TRIM22: variants seen among roughly 807,000 people sequenced by gnomAD.
The protein encoded by TRIM22 is tripartite motif containing 22.
TRIM22 carries 45 observed loss-of-function variants against 53.6 expected under a neutral mutation model. That is an observed-to-expected ratio of 0.84 (90% confidence interval 0.66 to 1.08). TRIM22 has a LOEUF of 1.08. Ranked by LOEUF, TRIM22 falls within the 50% of genes least tolerant of loss-of-function variation. TRIM22 has a pLI of 0.00. For synonymous variants in TRIM22, 225 were observed against 216.6 expected, an observed-to-expected ratio of 1.04 and a Z score of -0.34; for missense variants, 616 against 590.9, an observed-to-expected ratio of 1.04 and a Z score of -0.44.
chr11:5,692,789 G>C, intron 1 of TRIM22, among the ~76,000 whole-genome samples: 1 of 42,424 alleles, frequency 2.4e-5, no homozygotes, highest in Non-Finnish European at 7.4e-5. Flanking sequence ...GTGAGACCTT[G>C]TCTCAAAAAA....
chr11:5,708,422 TA>T (rs1220535244), intron 6 of TRIM22, 149 bp downstream of exon 6: 34 of 974,862 alleles, frequency 3.5e-5, no homozygotes, highest in Non-Finnish European at 4.6e-5. Context: ...GGTCCTGTCT[TA>T]GGGGGAATGA....
At chr11:5,708,687 C>A in intron 7 of TRIM22, 84 bp downstream of exon 7, 1 of 1,238,462 alleles carries the variant, frequency 8.1e-7, no homozygotes, top group Non-Finnish European at 1.1e-6. Flanking sequence ...TCATGTGTTC[C>A]TCCCCAAACA....
At position 5,709,638 on chromosome 11, in the gene TRIM22, C is replaced by A. The variant is rs763794376; in HGVS notation, c.1487C>A (p.Pro496Gln). Reference sequence around the variant, plus strand: ...CTAGTCCCCATGACTGTGTGCCCACCGAGCTCCTGAGTGTTCTCATTCCTT... The same window carrying A: ...CTAGTCCCCATGACTGTGTGCCCACAGAGCTCCTGAGTGTTCTCATTCCTT... ...NCLVPMTVCP[P>Q]SS The change falls in exon 8 of 8, where the codon CCG becomes CAG. Residue 496 changes from proline to glutamine, a missense_variant. Transcript: ENST00000379965. 6.2e-7 allele frequency: 1 copy of A among 1,602,914 alleles called. No homozygotes were observed. The highest frequency in any genetic ancestry group is 8.5e-7 in the Non-Finnish European group (1 of 1,178,164).
intron 1 of TRIM22, among the ~76,000 whole-genome samples, chr11:5,694,727 T>C (rs1337991564): frequency 1.3e-5 from 2 of 152,210 alleles, no homozygotes; most frequent in Non-Finnish European, 2.9e-5. Flanking sequence ...GTCAAAATGA[T>C]TTCTAAATTG....
In TRIM22 at chr11:5,708,287, G is replaced by A. The variant is rs748700613; in HGVS notation, c.874+14G>A. The A allele has an allele frequency of 6.9e-6, 11 of 1,605,830 alleles. No homozygotes were observed. Among genetic ancestry groups the A allele is most frequent in the Non-Finnish European group, 7.7e-6 (9 of 1,172,520 alleles). The stretch of plus-strand genomic sequence containing the variant: ...AAGTTCTTAAAGGTAAGGGGATTCA[G>A]GGGAAGGCTGTGAATGTGGATTTCT... On this transcript the variant is annotated intron_variant, in intron 6 of 7. Transcript: ENST00000379965.
At chr11:5,696,946 C>T (rs905558317) in intron 2 of TRIM22, 5 of 510,378 alleles carry the variant, frequency 9.8e-6, no homozygotes, top group Non-Finnish European at 1.7e-5. Context: ...TTTGGGAACA[C>T]GTCTGGTTAG....
At position 5,708,647 on chromosome 11, in the gene TRIM22, T is replaced by C. The variant is rs373530055; in HGVS notation, c.901+44T>C. 2.5e-6 allele frequency: 4 copies of C among 1,569,758 alleles called. No individual in the cohort carries two copies. In the African/African-American group the frequency reaches 5.4e-5, roughly 21 times the overall value. On this transcript the variant is annotated intron_variant, in intron 7 of 7. Coordinates refer to ENST00000379965, the MANE Select transcript of TRIM22 (RefSeq NM_006074.5). ...TTCAAATCACTTCCTTTCAGAATTG[T>C]GGTTACTATTAGATCTCATAATCTG...
rs111292193 is a variant in TRIM22 at position 5,702,348 on chromosome 11, C to A, written c.750+3803C>A. 2.1e-5 allele frequency among the ~76,000 whole-genome samples: 3 copies of A among 143,946 alleles called. No individual in the cohort carries two copies. In the South Asian group the frequency reaches 6.5e-4, roughly 31 times the overall value. The allele number at this position is 143,946 out of a possible 152,430, so 94.4% of individuals were successfully genotyped here. ...ACTAATATAACTAATAATAATATAACTAATATGCCTAAAGGTATATATATA... is the reference window on the plus strand; with the variant it reads ...ACTAATATAACTAATAATAATATAAATAATATGCCTAAAGGTATATATATA... On this transcript the variant is annotated intron_variant, in intron 4 of 7. Transcript: ENST00000379965.
rs1564944096 is a variant in TRIM22, at chr11:5,708,215, G to A, written c.816G>A (p.Lys272=). 6.2e-7 allele frequency: 1 copy of A among 1,614,192 alleles called. No individual in the cohort carries two copies. Among genetic ancestry groups the A allele is most frequent in the South Asian group, 1.1e-5 (1 of 91,082 alleles). Residue 272 remains lysine (K), a synonymous_variant, in exon 6 of 8, where the codon AAG becomes AAA. Transcript: ENST00000379965. ...WTLKKPKSVS[K]KLKSVFRVPD... is the part of the protein sequence containing the mutation. ...TGAAGAAGCCAAAATCTGTTTCCAA[G>A]AAACTAAAGAGTGTATTCCGAGTAC...
At chr11:5,705,544 T>C (rs1444906288) in intron 4 of TRIM22, among the ~76,000 whole-genome samples, 3 of 152,146 alleles carry the variant, frequency 2.0e-5, no homozygotes, top group Non-Finnish European at 4.4e-5. Flanking sequence ...GTGAAACTAT[T>C]TCTGAGGGTG....
At chr11:5,693,042 A>ATGTT (rs1263566328) in intron 1 of TRIM22, among the ~76,000 whole-genome samples, 1 of 151,466 alleles carries the variant, frequency 6.6e-6, no homozygotes, top group Non-Finnish European at 1.5e-5. Flanking sequence ...CACCTGGCTA[A>ATGTT]TGTTTGTATA....
rs756680023 is a variant in TRIM22 at position 5,700,584 on chromosome 11, CTTTTT to C, written c.750+2056_750+2060del. ...TAAGTATGATGTTAGCTATAGGAGT[CTTTTT>C]TTTTTTTTTTTTTTTTCAGATTTGT... On this transcript the variant is annotated intron_variant, in intron 4 of 7. Transcript: ENST00000379965. Among the ~76,000 whole-genome samples, 53 of 29,926 alleles carry C rather than the reference CTTTTT, an allele frequency of 1.8e-3. 1 individual carries two copies. The highest frequency in any genetic ancestry group is 5.6e-3 in the Admixed American group (12 of 2,130). The allele number at this position is 29,926 out of a possible 152,430, so 19.6% of individuals were successfully genotyped here. A position where few individuals can be genotyped will look rare whatever the true frequency, so the allele number is the denominator to read the frequency against.
chr11:5,698,701 G>A (rs1564941043), intron 4 of TRIM22, among the ~76,000 whole-genome samples, 156 bp downstream of exon 4: 1 of 152,202 alleles, frequency 6.6e-6, no homozygotes, highest in Non-Finnish European at 1.5e-5. Context: ...CATTTCAGGG[G>A]TCACAGAGAT....
At chr11:5,702,363 G>GTA (rs1853388329) in intron 4 of TRIM22, among the ~76,000 whole-genome samples, 1 of 141,998 alleles carries the variant, frequency 7.0e-6, no homozygotes, top group African/African-American at 2.6e-5. Flanking sequence ...ATGCCTAAAG[G>GTA]TATATATATA....
chr11:5,703,868 G>C (rs1853415851), intron 4 of TRIM22, among the ~76,000 whole-genome samples: 1 of 152,064 alleles, frequency 6.6e-6, no homozygotes, highest in Non-Finnish European at 1.5e-5. Context: ...AAGACATACA[G>C]GTGGCCAACA....
chr11:5,705,203 C>T (rs572805004), intron 4 of TRIM22, among the ~76,000 whole-genome samples: 7 of 152,066 alleles, frequency 4.6e-5, no homozygotes, highest in Non-Finnish European at 1.0e-4. Flanking sequence ...ATATACTTGA[C>T]TCAATTGGAG....
intron 4 of TRIM22, among the ~76,000 whole-genome samples, chr11:5,700,304 A>G (rs1853350435): frequency 6.6e-6 from 1 of 152,204 alleles, no homozygotes; most frequent in African/African-American, 2.4e-5. Context: ...TAGTAAAGAC[A>G]GGGATTCACT....
chr11:5,703,602 G>A (rs1246844563), intron 4 of TRIM22, among the ~76,000 whole-genome samples: 2 of 151,940 alleles, frequency 1.3e-5, no homozygotes, highest in African/African-American at 4.8e-5. Flanking sequence ...AGCCAGGACA[G>A]TCTCGATCTC....
chr11:5,696,330 G>A lies in TRIM22; in HGVS notation c.98G>A (p.Ser33Asn). ...CCTCTGAGCCTAGATTGTGGCCACA[G>A]CTTCTGCCAAGCCTGCATCACTGCA... Reference protein sequence around the residue: ...TEPLSLDCGHSFCQACITAKI... With the variant: ...TEPLSLDCGHNFCQACITAKI... Residue 33 changes from serine to asparagine, a missense_variant, in exon 2 of 8, where the codon AGC (serine) becomes AAC (asparagine). By Grantham distance (46) the Ser-to-Asn change is conservative. Transcript: ENST00000379965. 2 of 1,614,246 alleles carry A rather than the reference G, an allele frequency of 1.2e-6. No homozygotes were observed. The highest frequency in any genetic ancestry group is 1.1e-5 in the South Asian group (1 of 91,084).
Sources: allele counts gnomAD v4.1 joint callset (sites outside exome capture counted in the v4.1 genomes callset), GRCh38; gene constraint gnomAD v4.1.1; transcripts MANE v1.5; gene names NCBI Gene and HGNC (gene_info 2026-07-23, HGNC 2026-07-21).